The following TOP1 variants were observed in gnomAD, a reference collection of about 807,000 sequenced individuals.
TOP1 encodes DNA topoisomerase I.
TOP1 carries 10 observed loss-of-function variants against 111.1 expected under a neutral mutation model. That is an observed-to-expected ratio of 0.09 (90% CI 0.06 to 0.15). The LOEUF (loss-of-function observed/expected upper bound fraction) is 0.15, where lower values mean the gene tolerates loss of function less well. Among genes scored for constraint, TOP1 ranks in the 10% least tolerant of loss-of-function variants. The pLI is 1.00. For synonymous variants in TOP1, 271 were observed against 302.9 expected (o/e 0.89, Z 1.10); for missense variants, 474 against 926.7 (o/e 0.51, Z 6.34).
intron 2 of TOP1, among the ~76,000 whole-genome samples, chr20:41,060,457 C>G (rs756734441): frequency 1.2e-4 from 18 of 152,172 alleles, no homozygotes; most frequent in Admixed American, 6.5e-5. Context: ...CTAGACAAAT[C>G]TAATATACAG....
intron 7 of TOP1, among the ~76,000 whole-genome samples, chr20:41,084,007 AC>A (rs1339471585): frequency 6.6e-6 from 1 of 152,090 alleles, no homozygotes; most frequent in Non-Finnish European, 1.5e-5. Context: ...ATAGTACTAT[AC>A]TCCACTAAAT....
In TOP1 at chr20:41,122,299, A is replaced by G; in HGVS notation, c.2195+144A>G. ...AAACTTCTGGCTTCAGCTGTGTACA[A>G]GTTACTCTGGTTGCTGAACCTTGTC... On this transcript the variant is annotated intron_variant, in intron 20 of 20. Transcript: ENST00000361337. The surrounding 1 kb of genome is among the most constrained non-coding windows in gnomAD (Gnocchi z 5.4). The G allele has an allele frequency of 3.6e-6, 3 of 837,430 alleles. No individual in the cohort carries two copies. Among genetic ancestry groups the G allele is most frequent in the Non-Finnish European group, 3.8e-6 (2 of 525,546 alleles). 51.9% of individuals were successfully genotyped at this position (837,430 alleles called of 1,614,324 possible).
At chr20:41,117,342 A>G (rs965486464) in intron 17 of TOP1, among the ~76,000 whole-genome samples, 1 of 151,452 alleles carries the variant, frequency 6.6e-6, no homozygotes, top group Non-Finnish European at 1.5e-5. Context: ...CTCTAAAATA[A>G]TAATAATAAC....
chr20:41,077,740 G>A (rs968795481), intron 5 of TOP1, 103 bp downstream of exon 5: 3 of 1,083,390 alleles, frequency 2.8e-6, no homozygotes, highest in African/African-American at 3.1e-5. Context: ...CCACTGACCT[G>A]GCCATCTTGA....
chr20:41,093,917 G>A (rs373462916), intron 9 of TOP1, among the ~76,000 whole-genome samples: 1 of 152,136 alleles, frequency 6.6e-6, no homozygotes, highest in Non-Finnish European at 1.5e-5. Flanking sequence ...GCCAAGTGTG[G>A]TGGTGCACGC....
At chr20:41,045,474 CCTTAGAG>C (rs1568673661) in intron 2 of TOP1, among the ~76,000 whole-genome samples, 1 of 152,116 alleles carries the variant, frequency 6.6e-6, no homozygotes, top group African/African-American at 2.4e-5. Flanking sequence ...TTATTTGACC[CCTTAGAG>C]CTAAACAGGT....
At chr20:41,060,144 A>C (rs1316891100) in intron 2 of TOP1, among the ~76,000 whole-genome samples, 2 of 152,244 alleles carry the variant, frequency 1.3e-5, no homozygotes, top group Non-Finnish European at 2.9e-5. Flanking sequence ...TATATTACCC[A>C]GTAACTTTTC....
rs2034083959 is a variant in TOP1 at position 41,102,759 on chromosome 20, A to G, written c.1308+1406A>G. ...TCTGAAGTATCGCAAAGCTGTATATATGGCTACAAAAGCAGAAAAATAATA... is the reference window on the plus strand; with the variant it reads ...TCTGAAGTATCGCAAAGCTGTATATGTGGCTACAAAAGCAGAAAAATAATA... On this transcript the variant is annotated intron_variant, in intron 13 of 20. Coordinates refer to ENST00000361337, the MANE Select transcript of TOP1 (RefSeq NM_003286.4). This position sits in a 1 kb window ranked among gnomAD's most constrained non-coding sequence, Gnocchi z 4.0. 6.6e-6 allele frequency among the ~76,000 whole-genome samples: 1 copy of G among 152,244 alleles called. No individual in the cohort carries two copies. The highest frequency in any genetic ancestry group is 1.5e-5 in the Non-Finnish European group (1 of 68,046).
Position 41,071,223 on chromosome 20 carries a change from T to G in TOP1, c.156-4948T>G, listed in dbSNP as rs1270637399. Among the ~76,000 whole-genome samples, 1 of 152,188 alleles carries G rather than the reference T, an allele frequency of 6.6e-6. No individual in the cohort carries two copies. The highest frequency in any genetic ancestry group is 1.9e-4 in the East Asian group (1 of 5,204). On this transcript the variant is annotated intron_variant, in intron 3 of 20. Transcript: ENST00000361337. The surrounding 1 kb of genome is among the most constrained non-coding windows in gnomAD (Gnocchi z 4.3). ...CGTTTCTCCCACTCTTCTATATAAGTGCCTTAGAGAAACTCTGGTCACCCT... is the reference window on the plus strand; with the variant it reads ...CGTTTCTCCCACTCTTCTATATAAGGGCCTTAGAGAAACTCTGGTCACCCT...
chr20:41,088,263 C>T (rs1473938218), intron 8 of TOP1, among the ~76,000 whole-genome samples: 1 of 152,058 alleles, frequency 6.6e-6, no homozygotes, highest in Non-Finnish European at 1.5e-5. Context: ...CTTTGGAAGG[C>T]CGAAGCGGGC....
At chr20:41,081,818 C>A (rs1050436675) in intron 7 of TOP1, among the ~76,000 whole-genome samples, 2 of 152,166 alleles carry the variant, frequency 1.3e-5, no homozygotes, top group Non-Finnish European at 2.9e-5. Context: ...CAGATTCTTT[C>A]AAACTTCCGA....
rs73259900 is a variant in TOP1, at chr20:41,114,512, C to T, written c.1638+357C>T. ...GTGTACCTCCTTTTAGTCACTGTTC[C>T]GCCCTGTGCTACCTTCCTGGTAAGG... On this transcript the variant is annotated intron_variant, in intron 15 of 20. Transcript: ENST00000361337. The surrounding 1 kb of genome is among the most constrained non-coding windows in gnomAD (Gnocchi z 4.5). 1.3e-5 allele frequency among the ~76,000 whole-genome samples: 2 copies of T among 152,296 alleles called. No individual in the cohort carries two copies. Among genetic ancestry groups the T allele is most frequent in the South Asian group, 2.1e-4 (1 of 4,832 alleles).
chr20:41,055,915 C>T (rs1393841007), intron 2 of TOP1, among the ~76,000 whole-genome samples: 1 of 152,126 alleles, frequency 6.6e-6, no homozygotes, highest in Non-Finnish European at 1.5e-5. Context: ...CACATAATAA[C>T]ACAAAAATGA....
In TOP1 at chr20:41,081,034, G is replaced by A. The variant is rs1441421665; in HGVS notation, c.432-131G>A. ...TTCTCTATTTCTGTTAGTCTTGACC[G>A]TAGAATGCCCAGCCAAGAATAACAG... On this transcript the variant is annotated intron_variant, in intron 6 of 20. Transcript: ENST00000361337. 1.7e-5 allele frequency: 12 copies of A among 698,834 alleles called. No individual in the cohort carries two copies. The East Asian group carries it at 1.8e-4, about 10-fold the overall frequency. The allele number at this position is 698,834 out of a possible 1,614,324, so 43.3% of individuals were successfully genotyped here.
rs1028953266 is a variant in TOP1, at chr20:41,030,691, A to T, written c.58+1236A>T. ...ATTTTGATGGTACATAATCCTGCTC[A>T]ATTGAGTTTGGGTTCCGGGAACCTC... On this transcript the variant is annotated intron_variant, in intron 2 of 20. Transcript: ENST00000361337. This position sits in a 1 kb window ranked among gnomAD's most constrained non-coding sequence, Gnocchi z 4.1. 1.3e-5 allele frequency among the ~76,000 whole-genome samples: 2 copies of T among 152,150 alleles called. No individual in the cohort carries two copies. The highest frequency in any genetic ancestry group is 2.9e-5 in the Non-Finnish European group (2 of 68,036).
chr20:41,078,378 G>A lies in TOP1; in HGVS notation c.335+741G>A, dbSNP rs572432448. Among the ~76,000 whole-genome samples, 27 of 152,318 alleles carry A rather than the reference G, an allele frequency of 1.8e-4. No individual in the cohort carries two copies. In the South Asian group the frequency reaches 5.4e-3, roughly 30 times the overall value. On this transcript the variant is annotated intron_variant, in intron 5 of 20. Coordinates refer to ENST00000361337, the MANE Select transcript of TOP1 (RefSeq NM_003286.4). The surrounding 1 kb of genome is among the most constrained non-coding windows in gnomAD (Gnocchi z 5.3). ...ATGACAGAAAGGATTTATTAGAAAT[G>A]GTTGTAAGTGTTTGCATTATTGACT...
intron 8 of TOP1, among the ~76,000 whole-genome samples, chr20:41,085,139 A>C (rs1405904031): frequency 1.3e-5 from 2 of 152,196 alleles, no homozygotes; most frequent in Non-Finnish European, 2.9e-5. Flanking sequence ...TGATATTCCT[A>C]ATATGAAAAA....
intron 8 of TOP1, 21 bp downstream of exon 8, chr20:41,084,589 TA>T: frequency 7.2e-7 from 1 of 1,389,236 alleles, no homozygotes; most frequent in East Asian, 2.4e-5. Flanking sequence ...AGCACTGGGT[TA>T]AAATGCCACC....
rs991645365 is a variant in TOP1 at position 41,095,684 on chromosome 20, T to G, written c.731-1536T>G. Reference sequence around the variant, plus strand: ...GATTGCATATCATTATGAGATAAGATGTCTTCTGAGTTTTGAAATAAATGG... The same window carrying G: ...GATTGCATATCATTATGAGATAAGAGGTCTTCTGAGTTTTGAAATAAATGG... On this transcript the variant is annotated intron_variant, in intron 9 of 20. Transcript: ENST00000361337. This position sits in a 1 kb window ranked among gnomAD's most constrained non-coding sequence, Gnocchi z 4.6. Among the ~76,000 whole-genome samples the G allele has an allele frequency of 1.3e-5, 2 of 152,232 alleles. No individual in the cohort carries two copies. Among genetic ancestry groups the G allele is most frequent in the Non-Finnish European group, 2.9e-5 (2 of 68,042 alleles).
Sources: gnomAD v4.1 joint callset for allele counts (sites outside exome capture counted in the v4.1 genomes callset) on GRCh38, gnomAD v4.1.1 for gene constraint, Gnocchi (gnomAD v3.1) non-coding constraint, MANE v1.5 for transcripts, NCBI Gene and HGNC (gene_info 2026-07-23, HGNC 2026-07-21) for gene names.